ENTPD3: variants seen among roughly 807,000 people sequenced by gnomAD.
ENTPD3 encodes the protein CD39 antigen-like 3.
A neutral mutation model predicts 51.2 loss-of-function variants in ENTPD3; 60 were observed. The observed-to-expected ratio is 1.17, with a 90% CI of 0.95 to 1.45. ENTPD3 has a LOEUF of 1.45. Ranked by LOEUF, ENTPD3 falls within the 40% of genes most tolerant of loss-of-function variation. The pLI, the probability that ENTPD3 is intolerant of heterozygous loss-of-function variation, is 0.00. For synonymous variants in ENTPD3, 221 were observed against 238.4 expected (o/e 0.93, Z 0.67); for missense variants, 593 against 641.1 (o/e 0.93, Z 0.81).
At chr3:40,397,605 T>C (rs1004837445) in intron 3 of ENTPD3, among the ~76,000 whole-genome samples, 4 of 152,176 alleles carry the variant, frequency 2.6e-5, no homozygotes, top group Non-Finnish European at 5.9e-5. Context: ...TTACTACTAC[T>C]ATTTATTATC....
Position 40,427,405 on chromosome 3 carries a change from C to T in ENTPD3, c.1487C>T (p.Ala496Val), listed in dbSNP as rs1047855. 486,664 of 1,613,584 alleles carry T rather than the reference C, an allele frequency of 0.3. 77,017 individuals carry two copies. The highest frequency in any genetic ancestry group is 0.47 in the East Asian group (20,883 of 44,830). Reference protein sequence around the residue: ...VFVGTLAFFTAAALLCLAFLA... With the variant: ...VFVGTLAFFTVAALLCLAFLA... ...GTGGGCACCCTCGCTTTCTTCACAG[C>T]GGCAGCCTTGCTGTGTCTGGCATTT... is the stretch of plus-strand genomic sequence containing the variant. Residue 496 changes from alanine (A) to valine (V), a missense_variant, in exon 11 of 11, where the codon GCG becomes GTG. Transcript: ENST00000301825.
At chr3:40,399,193 A>G (rs1373581815) in intron 3 of ENTPD3, among the ~76,000 whole-genome samples, 2 of 152,186 alleles carry the variant, frequency 1.3e-5, no homozygotes, top group African/African-American at 4.8e-5. Flanking sequence ...CTGCATATAT[A>G]CAATGATATA....
chr3:40,416,572 C>T (rs72863246), intron 7 of ENTPD3, among the ~76,000 whole-genome samples: 2,136 of 152,346 alleles, frequency 0.014, 42 homozygotes, highest in African/African-American at 0.046. Flanking sequence ...AGAGCAACCA[C>T]ATTCCATCAT....
intron 2 of ENTPD3, among the ~76,000 whole-genome samples, chr3:40,390,412 G>C (rs1252649747): frequency 1.3e-5 from 2 of 152,076 alleles, no homozygotes; most frequent in Admixed American, 6.5e-5. Flanking sequence ...GGCTCAGGCT[G>C]GCATCTAACG....
chr3:40,403,467 C>T (rs1434533617), intron 4 of ENTPD3, among the ~76,000 whole-genome samples: 2 of 152,168 alleles, frequency 1.3e-5, no homozygotes, highest in African/African-American at 4.8e-5. Flanking sequence ...CTGTAATACC[C>T]CCTGTTGCTG....
At chr3:40,397,512 A>G (rs976604968) in intron 3 of ENTPD3, among the ~76,000 whole-genome samples, 2 of 152,128 alleles carry the variant, frequency 1.3e-5, no homozygotes, top group Non-Finnish European at 2.9e-5. Flanking sequence ...ATGATATGAT[A>G]TGATATGATA....
chr3:40,424,483 C>T (rs1388264827), intron 10 of ENTPD3, among the ~76,000 whole-genome samples: 1 of 152,026 alleles, frequency 6.6e-6, no homozygotes, highest in African/African-American at 2.4e-5. Context: ...TTGAATGAAC[C>T]TGAAGTCATT....
intron 3 of ENTPD3, among the ~76,000 whole-genome samples, chr3:40,396,969 T>C (rs1405836716): frequency 6.6e-6 from 1 of 152,152 alleles, no homozygotes; most frequent in Non-Finnish European, 1.5e-5. Flanking sequence ...TGCTCAGCCA[T>C]TACTCTCCAA....
intron 4 of ENTPD3, among the ~76,000 whole-genome samples, chr3:40,411,126 A>G (rs1395054000): frequency 6.6e-6 from 1 of 151,970 alleles, no homozygotes; most frequent in Non-Finnish European, 1.5e-5. Context: ...CCGTGTCTCT[A>G]TAAAAAAACC....
chr3:40,407,139 T>C (rs1447336734), intron 4 of ENTPD3, among the ~76,000 whole-genome samples: 1 of 152,120 alleles, frequency 6.6e-6, no homozygotes, highest in Non-Finnish European at 1.5e-5. Context: ...GGGCAAAGCT[T>C]AAAGAGTTTG....
intron 3 of ENTPD3, among the ~76,000 whole-genome samples, chr3:40,393,654 TA>T (rs34726619): frequency 0.25 from 38,073 of 150,978 alleles, 5,853 homozygotes; most frequent in East Asian, 0.51. Context: ...AATTAAAAAT[TA>T]AAAAAAAACC....
Position 40,427,386 on chromosome 3 carries a change from AC to A in ENTPD3, c.1471del (p.Leu491SerfsTer73). 1 of 1,613,856 alleles carries A rather than the reference AC, an allele frequency of 6.2e-7. No homozygotes were observed. The highest frequency in any genetic ancestry group is 8.5e-7 in the Non-Finnish European group (1 of 1,180,016). On this transcript the variant is annotated frameshift_variant, in exon 11 of 11. Coordinates refer to ENST00000301825, the MANE Select transcript of ENTPD3 (RefSeq NM_001248.4). LOFTEE classifies it low-confidence loss of function (END_TRUNC). ...LPIEPPVFVG[T>X]LAFFTAAALL... is the part of the protein sequence containing the mutation. ...CATAGAACCACCTGTCTTTGTGGGCACCCTCGCTTTCTTCACAGCGGCAGCC... is the reference window on the plus strand; with the variant it reads ...CATAGAACCACCTGTCTTTGTGGGCACCTCGCTTTCTTCACAGCGGCAGCC...
intron 2 of ENTPD3, among the ~76,000 whole-genome samples, chr3:40,390,020 T>C (rs1356001527): frequency 6.6e-6 from 1 of 152,226 alleles, no homozygotes; most frequent in African/African-American, 2.4e-5. Context: ...TATTGAACAC[T>C]GGAAATGTGG....
Position 40,416,060 on chromosome 3 carries a change from C to T in ENTPD3, c.818C>T (p.Ala273Val). ...GRNEAEKKFL[A>V]MLLQNSPTKN... The stretch of plus-strand genomic sequence containing the variant: ...AATGAGGCTGAGAAGAAGTTTCTGG[C>T]AATGCTCCTGCAGGTACTTGAGTCG... Residue 273 changes from alanine (A) to valine (V), a missense_variant, in exon 7 of 11, where the codon GCA becomes GTA. Transcript: ENST00000301825. 1 of 1,613,708 alleles carries T rather than the reference C, an allele frequency of 6.2e-7. No individual in the cohort carries two copies. Among genetic ancestry groups the T allele is most frequent in the Non-Finnish European group, 8.5e-7 (1 of 1,179,760 alleles).
chr3:40,412,595 A>C (rs766918733), intron 5 of ENTPD3, among the ~76,000 whole-genome samples: 7 of 152,216 alleles, frequency 4.6e-5, no homozygotes, highest in Non-Finnish European at 1.0e-4. Context: ...AAGAAACACC[A>C]AACTTAAATC....
chr3:40,414,939 C>A, intron 6 of ENTPD3, 99 bp downstream of exon 6: 1 of 1,197,838 alleles, frequency 8.3e-7, no homozygotes, highest in Non-Finnish European at 1.2e-6. Context: ...GGATATCTGC[C>A]CTGTATCACT....
chr3:40,422,102 A>T (rs544367630), intron 7 of ENTPD3, among the ~76,000 whole-genome samples: 1 of 151,552 alleles, frequency 6.6e-6, no homozygotes, highest in Non-Finnish European at 1.5e-5. Context: ...TGTGAGAGAG[A>T]GCCTAGCGCT....
At chr3:40,387,534 G>C (rs1159018247) in intron 1 of ENTPD3, 4 of 155,124 alleles carry the variant, frequency 2.6e-5, no homozygotes, top group African/African-American at 7.2e-5. Flanking sequence ...GCAGTCCAGA[G>C]AGGTGACCCC....
intron 3 of ENTPD3, among the ~76,000 whole-genome samples, chr3:40,400,079 A>G (rs1448023577): frequency 1.3e-5 from 2 of 152,032 alleles, no homozygotes; most frequent in Admixed American, 1.3e-4. Context: ...AGCCTGCCCA[A>G]CATGGTGAAA....
Sources: allele counts gnomAD v4.1 joint callset (sites outside exome capture counted in the v4.1 genomes callset), GRCh38; gene constraint gnomAD v4.1.1; transcripts MANE v1.5; gene names NCBI Gene and HGNC (gene_info 2026-07-23, HGNC 2026-07-21).